Variants in ATXN7L1 observed in about 807,000 individuals in gnomAD.
The protein encoded by ATXN7L1 is ataxin-7-like protein 1.
A neutral mutation model predicts 70.8 loss-of-function variants in ATXN7L1; 15 were observed. That is an observed-to-expected ratio of 0.21 (90% CI 0.14 to 0.33). ATXN7L1 has a LOEUF of 0.33. Ranked by LOEUF, ATXN7L1 falls within the 10% of genes least tolerant of loss-of-function variation. The pLI is 1.00. For synonymous variants in ATXN7L1, 440 were observed against 445.1 expected, an observed-to-expected ratio of 0.99 and a Z score of 0.14; for missense variants, 975 against 1,097.1, an observed-to-expected ratio of 0.89 and a Z score of 1.57.
chr7:105,725,782 G>A (rs1584843063), intron 3 of ATXN7L1, among the ~76,000 whole-genome samples: 2 of 151,860 alleles, frequency 1.3e-5, no homozygotes, highest in African/African-American at 4.8e-5. Context: ...GGTTTCACCA[G>A]GTTGGCCAGG....
At chr7:105,768,084 C>G (rs1479293527) in intron 3 of ATXN7L1, among the ~76,000 whole-genome samples, 1 of 152,230 alleles carries the variant, frequency 6.6e-6, no homozygotes, top group East Asian at 1.9e-4. Flanking sequence ...ATCTGGCCCC[C>G]TCTCCTCAAA....
At chr7:105,628,560 C>A (rs1299610461) in intron 7 of ATXN7L1, among the ~76,000 whole-genome samples, 5 of 151,668 alleles carry the variant, frequency 3.3e-5, no homozygotes, top group Non-Finnish European at 1.5e-5. Context: ...GAGGCCGAGG[C>A]AGTTGGATCA....
At chr7:105,642,244 A>C (rs1411819256) in intron 5 of ATXN7L1, among the ~76,000 whole-genome samples, 1 of 151,996 alleles carries the variant, frequency 6.6e-6, no homozygotes, top group Non-Finnish European at 1.5e-5. Context: ...CCCACAAGAG[A>C]CCGCCCCAGC....
At chr7:105,631,536 G>A (rs1488469430) in intron 7 of ATXN7L1, among the ~76,000 whole-genome samples, 1 of 152,128 alleles carries the variant, frequency 6.6e-6, no homozygotes, top group Non-Finnish European at 1.5e-5. Context: ...GTGCCATCTC[G>A]GCTCATTGCA....
chr7:105,620,555 G>A (rs1198715063), intron 8 of ATXN7L1, among the ~76,000 whole-genome samples: 1 of 152,142 alleles, frequency 6.6e-6, no homozygotes, highest in African/African-American at 2.4e-5. Context: ...TGGCACAGAA[G>A]GGGCTACGTT....
chr7:105,744,137 A>C (rs948160067), intron 3 of ATXN7L1, among the ~76,000 whole-genome samples: 3 of 152,266 alleles, frequency 2.0e-5, no homozygotes, highest in Middle Eastern at 6.8e-3. Flanking sequence ...CAAGTCACCA[A>C]AGGATTAAAT....
intron 3 of ATXN7L1, among the ~76,000 whole-genome samples, chr7:105,766,702 C>T (rs536963122): frequency 7.2e-5 from 11 of 152,336 alleles, no homozygotes; most frequent in African/African-American, 2.6e-4. Context: ...ATTAGACGAT[C>T]CTGTGTTTGG....
At chr7:105,817,632 T>C (rs146944879) in intron 2 of ATXN7L1, among the ~76,000 whole-genome samples, 1 of 152,106 alleles carries the variant, frequency 6.6e-6, no homozygotes, top group East Asian at 1.9e-4. Context: ...TTAACAACAG[T>C]TGGGCCAGGG....
chr7:105,751,998 A>G (rs1480722901), intron 3 of ATXN7L1, among the ~76,000 whole-genome samples: 3 of 152,264 alleles, frequency 2.0e-5, no homozygotes, highest in African/African-American at 7.2e-5. Flanking sequence ...TTAATACAGT[A>G]CAGACATATC....
At chr7:105,642,216 A>G (rs949281761) in intron 5 of ATXN7L1, among the ~76,000 whole-genome samples, 7 of 152,320 alleles carry the variant, frequency 4.6e-5, no homozygotes, top group African/African-American at 1.7e-4. Flanking sequence ...GTGTCTGCTC[A>G]GACAACCAAG....
At chr7:105,621,753 C>T (rs1340121640) in intron 8 of ATXN7L1, among the ~76,000 whole-genome samples, 1 of 152,238 alleles carries the variant, frequency 6.6e-6, no homozygotes, top group African/African-American at 2.4e-5. Context: ...CCAGGCCTCC[C>T]AGCAGCTCCC....
At chr7:105,668,841 C>A (rs1253550170) in intron 3 of ATXN7L1, among the ~76,000 whole-genome samples, 2 of 152,078 alleles carry the variant, frequency 1.3e-5, no homozygotes, top group African/African-American at 4.8e-5. Flanking sequence ...GAGGTAGAGG[C>A]TACAGCAAGT....
intron 3 of ATXN7L1, among the ~76,000 whole-genome samples, chr7:105,717,377 C>T (rs1204675238): frequency 6.6e-6 from 1 of 152,114 alleles, no homozygotes. Flanking sequence ...CTGCCCACCT[C>T]GGCCTCTCAA....
intron 3 of ATXN7L1, among the ~76,000 whole-genome samples, chr7:105,702,547 C>CAA (rs1182610147): frequency 2.1e-5 from 1 of 47,098 alleles, no homozygotes. Context: ...AGACCCACAA[C>CAA]ACACACACAC....
chr7:105,834,784 C>T (rs7786721), intron 2 of ATXN7L1, among the ~76,000 whole-genome samples: 7,414 of 152,234 alleles, frequency 0.049, 333 homozygotes, highest in East Asian at 0.22. Context: ...TAGAACGAAT[C>T]CTGCCACACT....
chr7:105,727,724 AG>A (rs1795982419), intron 3 of ATXN7L1, among the ~76,000 whole-genome samples: 1 of 101,318 alleles, frequency 9.9e-6, no homozygotes, highest in Non-Finnish European at 2.0e-5. Context: ...ATTTTTCCAT[AG>A]GGGTGTGTGT....
intron 3 of ATXN7L1, among the ~76,000 whole-genome samples, chr7:105,683,299 T>C (rs1163104471): frequency 6.6e-6 from 1 of 152,212 alleles, no homozygotes; most frequent in African/African-American, 2.4e-5. Context: ...CTTTACGTAT[T>C]GATACTGAAG....
intron 2 of ATXN7L1, among the ~76,000 whole-genome samples, chr7:105,800,334 T>C (rs1806626191): frequency 6.6e-6 from 1 of 152,190 alleles, no homozygotes; most frequent in Non-Finnish European, 1.5e-5. Flanking sequence ...CTTCCCTCCA[T>C]ACTTGCCAAA....
intron 9 of ATXN7L1, among the ~76,000 whole-genome samples, chr7:105,616,077 CT>C (rs1793850686): frequency 6.6e-6 from 1 of 152,240 alleles, no homozygotes; most frequent in African/African-American, 2.4e-5. Flanking sequence ...CATTTCTCAC[CT>C]TGCTCCCTCT....
Sources: gnomAD v4.1 joint callset for allele counts (sites outside exome capture counted in the v4.1 genomes callset) on GRCh38, gnomAD v4.1.1 for gene constraint, MANE v1.5 for transcripts, NCBI Gene and HGNC (gene_info 2026-07-23, HGNC 2026-07-21) for gene names.